Variants in GABRB1 observed in about 807,000 individuals in gnomAD.
GABRB1 encodes gamma-aminobutyric acid type A receptor subunit beta1.
Under a neutral mutation model 51.6 loss-of-function variants are expected in GABRB1, and 17 were observed. That is an observed-to-expected ratio of 0.33 (90% CI 0.23 to 0.49). The LOEUF (loss-of-function observed/expected upper bound fraction) is 0.49. GABRB1 is among the 20% of genes least tolerant of loss of function. The pLI, the probability that GABRB1 is intolerant of heterozygous loss-of-function variation, is 0.99. For synonymous variants in GABRB1, 247 were observed against 218.9 expected, an observed-to-expected ratio of 1.13 and a Z score of -1.14; for missense variants, 410 against 600.6, an observed-to-expected ratio of 0.68 and a Z score of 3.32.
At chr4:47,181,903 G>C (rs1577979888) in intron 4 of GABRB1, among the ~76,000 whole-genome samples, 2 of 152,098 alleles carry the variant, frequency 1.3e-5, no homozygotes, top group African/African-American at 4.8e-5. Flanking sequence ...CAAACTTCTA[G>C]CGGGGAGTGG....
chr4:47,230,945 T>TGA (rs1045055455), intron 4 of GABRB1, among the ~76,000 whole-genome samples: 1 of 152,134 alleles, frequency 6.6e-6, no homozygotes, highest in Non-Finnish European at 1.5e-5. Context: ...GGCCCTCATT[T>TGA]GAGGGTCTTG....
chr4:47,278,399 C>G (rs1723160712), intron 4 of GABRB1, among the ~76,000 whole-genome samples: 1 of 152,118 alleles, frequency 6.6e-6, no homozygotes, highest in Admixed American at 6.5e-5. Flanking sequence ...TAGTCTCTCT[C>G]CTGCCTAGTG....
At chr4:47,425,543 G>A (rs1729252988) in intron 8 of GABRB1, 131 bp from the exon 9 acceptor site, 2 of 655,642 alleles carry the variant, frequency 3.1e-6, no homozygotes, top group South Asian at 3.9e-5. Flanking sequence ...TCCACATCAG[G>A]GAGGCACATC....
At chr4:47,375,435 G>A (rs1331520000) in intron 5 of GABRB1, among the ~76,000 whole-genome samples, 1 of 152,210 alleles carries the variant, frequency 6.6e-6, no homozygotes, top group Non-Finnish European at 1.5e-5. Context: ...AGTGTTATCA[G>A]TGGGAGAGCT....
At position 47,216,025 on chromosome 4, in the gene GABRB1, T is replaced by C. The variant is rs141737519; in HGVS notation, c.461+54556T>C. On this transcript the variant is annotated intron_variant, in intron 4 of 8. Coordinates refer to ENST00000295454, the MANE Select transcript of GABRB1 (RefSeq NM_000812.4). ...GTGGGCCTGTTAGTGACAGATGGGA[T>C]TGGAATACATTAATTACAAAGAATA... Among the ~76,000 whole-genome samples, 174 of 152,110 alleles carry C rather than the reference T, an allele frequency of 1.1e-3. 3 individuals carry two copies. The East Asian group carries it at 0.027, about 24-fold the overall frequency.
At chr4:47,389,607 C>A (rs1727918827) in intron 5 of GABRB1, among the ~76,000 whole-genome samples, 1 of 152,154 alleles carries the variant, frequency 6.6e-6, no homozygotes, top group Non-Finnish European at 1.5e-5. Flanking sequence ...AAAAATCTGG[C>A]TTCCATAGTT....
chr4:47,247,276 G>T (rs921581368), intron 4 of GABRB1, among the ~76,000 whole-genome samples: 7 of 152,032 alleles, frequency 4.6e-5, no homozygotes, highest in Non-Finnish European at 8.8e-5. Flanking sequence ...TGAAAAGGGT[G>T]TCTTTTTCCC....
At chr4:47,173,639 T>C (rs1395044445) in intron 4 of GABRB1, among the ~76,000 whole-genome samples, 1 of 152,238 alleles carries the variant, frequency 6.6e-6, no homozygotes, top group African/African-American at 2.4e-5. Context: ...AAAAGTGATG[T>C]CTGCTGCATT....
intron 4 of GABRB1, among the ~76,000 whole-genome samples, chr4:47,188,516 C>T (rs1719287946): frequency 6.6e-6 from 1 of 151,690 alleles, no homozygotes. Flanking sequence ...TCAATAGTCC[C>T]CTCTGGAAAT....
chr4:47,301,120 C>T (rs940939788), intron 4 of GABRB1, among the ~76,000 whole-genome samples: 39 of 152,048 alleles, frequency 2.6e-4, no homozygotes, highest in Non-Finnish European at 5.3e-4. Context: ...GAAATTCAGT[C>T]AGCAAACTTA....
intron 3 of GABRB1, among the ~76,000 whole-genome samples, chr4:47,143,909 G>A (rs995192356): frequency 6.6e-6 from 1 of 151,806 alleles, no homozygotes; most frequent in East Asian, 1.9e-4. Context: ...GAAGTTTTCT[G>A]TCTTGTTTAT....
intron 4 of GABRB1, among the ~76,000 whole-genome samples, chr4:47,246,482 T>C (rs1289433224): frequency 6.8e-6 from 1 of 147,600 alleles, no homozygotes; most frequent in Non-Finnish European, 1.5e-5. Flanking sequence ...TGTGCTACTA[T>C]AAACATGCAT....
chr4:47,310,022 T>A (rs1000709503), intron 4 of GABRB1, among the ~76,000 whole-genome samples: 1 of 152,186 alleles, frequency 6.6e-6, no homozygotes, highest in Non-Finnish European at 1.5e-5. Context: ...ACATTCCACC[T>A]GCATCATACC....
chr4:47,107,025 C>T (rs1370404274), intron 3 of GABRB1, among the ~76,000 whole-genome samples: 1 of 151,982 alleles, frequency 6.6e-6, no homozygotes, highest in Non-Finnish European at 1.5e-5. Context: ...AAAGAACCTC[C>T]TTTATGGCAG....
chr4:47,276,143 T>C (rs1723068679), intron 4 of GABRB1, among the ~76,000 whole-genome samples: 1 of 152,126 alleles, frequency 6.6e-6, no homozygotes, highest in Non-Finnish European at 1.5e-5. Context: ...TGGAAGCATA[T>C]TAAATGTATG....
chr4:47,263,171 T>G (rs1187183687), intron 4 of GABRB1, among the ~76,000 whole-genome samples: 1 of 150,626 alleles, frequency 6.6e-6, no homozygotes, highest in Non-Finnish European at 1.5e-5. Context: ...TGTGCACATG[T>G]ACCCTAAAAC....
intron 4 of GABRB1, among the ~76,000 whole-genome samples, chr4:47,253,862 T>C (rs1437548355): frequency 6.6e-6 from 1 of 152,146 alleles, no homozygotes; most frequent in Non-Finnish European, 1.5e-5. Context: ...CATAATGAAA[T>C]TGCTTTAGTA....
chr4:47,090,523 C>T (rs912368605), intron 3 of GABRB1, among the ~76,000 whole-genome samples: 4 of 152,118 alleles, frequency 2.6e-5, no homozygotes, highest in Non-Finnish European at 5.9e-5. Flanking sequence ...ATCATTGGGG[C>T]ACTGGAAATA....
chr4:47,326,737 T>C (rs1203885269), intron 5 of GABRB1, among the ~76,000 whole-genome samples: 1 of 152,170 alleles, frequency 6.6e-6, no homozygotes, highest in Admixed American at 6.5e-5. Context: ...CACCAGACAC[T>C]AAAATCTGCC....
Sources: allele counts gnomAD v4.1 joint callset (sites outside exome capture counted in the v4.1 genomes callset), GRCh38; gene constraint gnomAD v4.1.1; transcripts MANE v1.5; gene names NCBI Gene and HGNC (gene_info 2026-07-23, HGNC 2026-07-21).